Variants in CASZ1 observed in about 807,000 individuals in gnomAD.
CASZ1 encodes the protein zinc finger protein castor homolog 1.
Under a neutral mutation model 135.2 loss-of-function variants are expected in CASZ1, and 28 were observed. The ratio of observed to expected loss-of-function variants is 0.21; its 90% CI spans 0.15 to 0.28. The LOEUF (loss-of-function observed/expected upper bound fraction) is 0.28, where lower values mean the gene tolerates loss of function less well. CASZ1 is among the 10% of genes least tolerant of loss of function. The pLI is 1.00. For synonymous variants in CASZ1, 1,068 were observed against 1,073.4 expected, an observed-to-expected ratio of 0.99 and a Z score of 0.10; for missense variants, 2,161 against 2,453.3, an observed-to-expected ratio of 0.88 and a Z score of 2.52.
In CASZ1 at chr1:10,726,833, G is replaced by C. The variant is rs923928471; in HGVS notation, c.-76-21289C>G. ...GGAGAGGCTAGCATGGGGGTGTTCA[G>C]AGGCCCAGGGGGTCTTCCCTGGCCT... is the stretch of plus-strand genomic sequence containing the variant. On this transcript the variant is annotated intron_variant, in intron 2 of 20. Transcript: ENST00000377022. This position sits in a 1 kb window ranked among gnomAD's most constrained non-coding sequence, Gnocchi z 5.7. Among the ~76,000 whole-genome samples the C allele has an allele frequency of 6.6e-6, 1 of 152,148 alleles. No individual in the cohort carries two copies. The highest frequency in any genetic ancestry group is 2.4e-5 in the African/African-American group (1 of 41,426).
rs1639497068 is a variant in CASZ1 at position 10,721,564 on chromosome 1, C to G, written c.-76-16020G>C. The stretch of plus-strand genomic sequence containing the variant: ...GAAACCAGGACTGGTTCCATGCGGG[C>G]ATCAAGGAGAAACAGGGCAACTGGC... On this transcript the variant is annotated intron_variant, in intron 2 of 20. Coordinates refer to ENST00000377022, the MANE Select transcript of CASZ1 (RefSeq NM_001079843.3). This position sits in a 1 kb window ranked among gnomAD's most constrained non-coding sequence, Gnocchi z 5.4. Among the ~76,000 whole-genome samples the G allele has an allele frequency of 6.6e-6, 1 of 152,198 alleles. No individual in the cohort carries two copies. Among genetic ancestry groups the G allele is most frequent in the Non-Finnish European group, 1.5e-5 (1 of 68,030 alleles).
intron 2 of CASZ1, among the ~76,000 whole-genome samples, chr1:10,736,359 G>C (rs1293355263): frequency 6.6e-6 from 1 of 152,224 alleles, no homozygotes; most frequent in Non-Finnish European, 1.5e-5. Context: ...CGAGACGGGA[G>C]CTCCAGACCT....
chr1:10,693,156 G>A (rs1638820384), intron 4 of CASZ1, among the ~76,000 whole-genome samples: 1 of 152,154 alleles, frequency 6.6e-6, no homozygotes, highest in Non-Finnish European at 1.5e-5. Flanking sequence ...AAACCCAGAT[G>A]CCTACGTTGA....
chr1:10,653,151 G>T, intron 11 of CASZ1: 1 of 624,738 alleles, frequency 1.6e-6, no homozygotes. Context: ...CTCACAGATG[G>T]GGAAACAGAA....
At chr1:10,687,594 A>T (rs745350765) in intron 4 of CASZ1, among the ~76,000 whole-genome samples, 1 of 152,170 alleles carries the variant, frequency 6.6e-6, no homozygotes, top group Non-Finnish European at 1.5e-5. Context: ...GTCTAGCTGG[A>T]GGGATCCCGG....
At chr1:10,685,276 G>A (rs145689588) in intron 4 of CASZ1, among the ~76,000 whole-genome samples, 1 of 152,202 alleles carries the variant, frequency 6.6e-6, no homozygotes, top group African/African-American at 2.4e-5. Context: ...GGAGGGAAGT[G>A]GGGGGCACAC....
rs1570506374 is a variant in CASZ1, at chr1:10,707,541, G to A, written c.-76-1997C>T. On this transcript the variant is annotated intron_variant, in intron 2 of 20. Coordinates refer to ENST00000377022, the MANE Select transcript of CASZ1 (RefSeq NM_001079843.3). This position sits in a 1 kb window ranked among gnomAD's most constrained non-coding sequence, Gnocchi z 5.0. Reference sequence around the variant, plus strand: ...CCAGGAGTTGGTCGGGGGTGGAGGAGGGAGGGGAGGGCCAGAGATGTGTAC... The same window carrying A: ...CCAGGAGTTGGTCGGGGGTGGAGGAAGGAGGGGAGGGCCAGAGATGTGTAC... 6.6e-6 allele frequency among the ~76,000 whole-genome samples: 1 copy of A among 152,136 alleles called. No individual in the cohort carries two copies. Among genetic ancestry groups the A allele is most frequent in the African/African-American group, 2.4e-5 (1 of 41,418 alleles).
At chr1:10,748,837 G>A (rs985677695) in intron 2 of CASZ1, among the ~76,000 whole-genome samples, 3 of 152,222 alleles carry the variant, frequency 2.0e-5, no homozygotes, top group African/African-American at 7.2e-5. Flanking sequence ...AGGCCCACGT[G>A]GCCAGAGCAA....
In CASZ1 at chr1:10,660,142, G is replaced by T. The variant is rs768863343; in HGVS notation, c.900C>A (p.Val300=). 70 of 1,614,020 alleles carry T rather than the reference G, an allele frequency of 4.3e-5. No homozygotes were observed. Among genetic ancestry groups the T allele is most frequent in the Admixed American group, 1.5e-4 (9 of 60,016 alleles). The change falls in exon 6 of 21, where the codon GTC becomes GTA. Residue 300 remains valine, a synonymous_variant. Coordinates refer to ENST00000377022, the MANE Select transcript of CASZ1 (RefSeq NM_001079843.3). Reference sequence around the variant, plus strand: ...CCCGGGCTACCAGGTTCTGCATCTGGACACTGCTGTGCGACGGCAGGGGCA... The same window carrying T: ...CCCGGGCTACCAGGTTCTGCATCTGTACACTGCTGTGCGACGGCAGGGGCA... ...TILPLPSHSS[V]QMQNLVARAS...
At position 10,719,502 on chromosome 1, in the gene CASZ1, C is replaced by A. The variant is rs892402441; in HGVS notation, c.-76-13958G>T. 6.6e-6 allele frequency among the ~76,000 whole-genome samples: 1 copy of A among 152,152 alleles called. No individual in the cohort carries two copies. The highest frequency in any genetic ancestry group is 2.4e-5 in the African/African-American group (1 of 41,436). On this transcript the variant is annotated intron_variant, in intron 2 of 20. Transcript: ENST00000377022. The surrounding 1 kb of genome is among the most constrained non-coding windows in gnomAD (Gnocchi z 4.0). ...AATCTGAGTGCTTGGGAGAAGGGATCCCTAAGAAGCAGCGCTGTGGGGAAG... is the reference window on the plus strand; with the variant it reads ...AATCTGAGTGCTTGGGAGAAGGGATACCTAAGAAGCAGCGCTGTGGGGAAG...
chr1:10,722,603 A>G (rs978406180), intron 2 of CASZ1, among the ~76,000 whole-genome samples: 1 of 152,228 alleles, frequency 6.6e-6, no homozygotes, highest in Non-Finnish European at 1.5e-5. Context: ...TGGGAGCCCA[A>G]GTGGGCAAGG....
rs940784530 is a variant in CASZ1 at position 10,657,650 on chromosome 1, G to A, written c.1409+858C>T. 1.3e-4 allele frequency among the ~76,000 whole-genome samples: 20 copies of A among 152,034 alleles called. No homozygotes were observed. Among genetic ancestry groups the A allele is most frequent in the African/African-American group, 4.6e-4 (19 of 41,362 alleles). On this transcript the variant is annotated intron_variant, in intron 7 of 20. Transcript: ENST00000377022. The surrounding 1 kb of genome is among the most constrained non-coding windows in gnomAD (Gnocchi z 5.7). ...GGGGGGCGGAGACAGTGGGATGGGG[G>A]TGGACAGAGACAGAGCAGGACAGGG...
At chr1:10,650,479 C>G (rs1015859106) in intron 13 of CASZ1, 5 of 497,392 alleles carry the variant, frequency 1.0e-5, no homozygotes, top group African/African-American at 4.0e-5. Context: ...GTGTCAGAGG[C>G]TGGAATATAT....
intron 4 of CASZ1, among the ~76,000 whole-genome samples, chr1:10,686,369 G>T (rs1282889201): frequency 1.3e-5 from 2 of 152,262 alleles, no homozygotes; most frequent in Non-Finnish European, 2.9e-5. Context: ...ACGAGGTGGG[G>T]CCTGGAAACA....
chr1:10,795,525 C>T (rs979471651), intron 1 of CASZ1, among the ~76,000 whole-genome samples: 1 of 152,162 alleles, frequency 6.6e-6, no homozygotes, highest in African/African-American at 2.4e-5. Flanking sequence ...AGCCCGCTAG[C>T]CCGCCAGCCC....
At chr1:10,731,590 A>G (rs936577980) in intron 2 of CASZ1, among the ~76,000 whole-genome samples, 6 of 152,232 alleles carry the variant, frequency 3.9e-5, no homozygotes, top group Non-Finnish European at 8.8e-5. Flanking sequence ...ACTTAAAAAC[A>G]GAAACAAAAC....
In CASZ1 at chr1:10,640,013, G is replaced by A; in HGVS notation, c.4209C>T (p.Phe1403=). 4 of 1,611,910 alleles carry A rather than the reference G, an allele frequency of 2.5e-6. No homozygotes were observed. Among genetic ancestry groups the A allele is most frequent in the Non-Finnish European group, 3.4e-6 (4 of 1,179,980 alleles). Residue 1403 remains phenylalanine (F), a synonymous_variant, in exon 21 of 21, where the codon TTC becomes TTT. Transcript: ENST00000377022. ...MPTASGAKKR[F]WIIEDMSPFG... Reference sequence around the variant, plus strand: ...AGGGCGACATGTCCTCGATGATCCAGAAGCGCTTTTTGGCCCCCGAGGCTG... The same window carrying A: ...AGGGCGACATGTCCTCGATGATCCAAAAGCGCTTTTTGGCCCCCGAGGCTG...
At position 10,674,611 on chromosome 1, in the gene CASZ1, C is replaced by T. The variant is rs548277898; in HGVS notation, c.17-9040G>A. On this transcript the variant is annotated intron_variant, in intron 4 of 20. Transcript: ENST00000377022. ...TTGCTGAGGGGATGATGTGGGCACA[C>T]GTCTGGCTGGGGCTGCAGAGCACAC... Among the ~76,000 whole-genome samples, 6 of 152,374 alleles carry T rather than the reference C, an allele frequency of 3.9e-5. No individual in the cohort carries two copies. In the East Asian group the frequency reaches 5.8e-4, roughly 15 times the overall value.
Position 10,759,835 on chromosome 1 carries a change from C to T in CASZ1, c.-77+866G>A, listed in dbSNP as rs142584367. Reference sequence around the variant, plus strand: ...AGCCCCCGGCCCTGCCCTCCCCAGACATCCTCTAGGCCCTCAGCCTCTGCT... The same window carrying T: ...AGCCCCCGGCCCTGCCCTCCCCAGATATCCTCTAGGCCCTCAGCCTCTGCT... On this transcript the variant is annotated intron_variant, in intron 2 of 20. Coordinates refer to ENST00000377022, the MANE Select transcript of CASZ1 (RefSeq NM_001079843.3). The surrounding 1 kb of genome is among the most constrained non-coding windows in gnomAD (Gnocchi z 4.2). Among the ~76,000 whole-genome samples, 529 of 152,272 alleles carry T rather than the reference C, an allele frequency of 3.5e-3. 3 individuals are homozygous for T. The highest frequency in any genetic ancestry group is 0.012 in the African/African-American group (502 of 41,544).
Sources: gnomAD v4.1 joint callset for allele counts (sites outside exome capture counted in the v4.1 genomes callset) on GRCh38, gnomAD v4.1.1 for gene constraint, Gnocchi (gnomAD v3.1) non-coding constraint, MANE v1.5 for transcripts, NCBI Gene and HGNC (gene_info 2026-07-23, HGNC 2026-07-21) for gene names.